The following HERC2 variants were observed in gnomAD, a reference collection of about 807,000 sequenced individuals.
HERC2 encodes HECT and RLD domain containing E3 ubiquitin protein ligase 2, also known as E3 ubiquitin-protein ligase HERC2.
Under a neutral mutation model 537.7 loss-of-function variants are expected in HERC2, and 102 were observed. The ratio of observed to expected loss-of-function variants is 0.19; its 90% CI spans 0.16 to 0.22. The LOEUF (loss-of-function observed/expected upper bound fraction) is 0.22, where lower values mean the gene tolerates loss of function less well. Among genes scored for constraint, HERC2 ranks in the 10% least tolerant of loss-of-function variants. The probability of loss-of-function intolerance (pLI) is 1.00; values close to 1 mark genes in which losing one functional copy is unlikely to be tolerated. For missense variants in HERC2, 4,236 were observed against 6,198.2 expected, an observed-to-expected ratio of 0.68 and a Z score of 10.63; for synonymous variants, 2,224 against 2,466.2, an observed-to-expected ratio of 0.90 and a Z score of 2.91.
intron 2 of HERC2, among the ~76,000 whole-genome samples, chr15:28,317,562 T>C (rs1274694451): frequency 6.6e-6 from 1 of 152,212 alleles, no homozygotes; most frequent in East Asian, 1.9e-4. Flanking sequence ...AGAAAATCAT[T>C]TCCGAAGGTC....
chr15:28,236,464 C>A (rs1567053254), intron 26 of HERC2, among the ~76,000 whole-genome samples: 1 of 151,680 alleles, frequency 6.6e-6, no homozygotes, highest in African/African-American at 2.4e-5. Context: ...CTAATTTTTG[C>A]ATTTTTAGTA....
intron 15 of HERC2, 107 bp downstream of exon 15, chr15:28,262,811 C>T (rs1304442929): frequency 8.4e-7 from 1 of 1,194,512 alleles, no homozygotes; most frequent in Non-Finnish European, 1.2e-6. Flanking sequence ...GAACATAAAA[C>T]CTGCTAACTC....
In HERC2 at chr15:28,198,402, G is replaced by A; in HGVS notation, c.7987C>T (p.His2663Tyr). 1 of 1,612,772 alleles carries A rather than the reference G, an allele frequency of 6.2e-7. No homozygotes were observed. The highest frequency in any genetic ancestry group is 1.3e-5 in the African/African-American group (1 of 74,992). The change falls in exon 50 of 93, where the codon CAT (histidine) becomes TAT (tyrosine). Residue 2663 changes from histidine (H) to tyrosine (Y), a missense_variant. Physicochemically the swap from His to Tyr is moderately conservative, Grantham distance 83. Coordinates refer to ENST00000261609, the MANE Select transcript of HERC2 (RefSeq NM_004667.6). The part of the protein sequence containing the change: ...TPKYKWGSVT[H>Y]QSVGVVKAFS... ...CCTTTCACAACCCCCACACTCTGATGAGTCACAGATCCCCATTTGTATTTT... is the reference window on the plus strand; with the variant it reads ...CCTTTCACAACCCCCACACTCTGATAAGTCACAGATCCCCATTTGTATTTT...
intron 23 of HERC2, 93 bp downstream of exon 23, chr15:28,245,788 C>T: frequency 8.6e-7 from 1 of 1,166,674 alleles, no homozygotes; most frequent in East Asian, 2.3e-5. Context: ...GCAAATCTTC[C>T]TTTGTAAAGT....
chr15:28,145,549 T>A (rs1191454613), intron 71 of HERC2, among the ~76,000 whole-genome samples: 2 of 152,226 alleles, frequency 1.3e-5, no homozygotes, highest in African/African-American at 2.4e-5. Context: ...CATGCAAAGC[T>A]TTACTTAACT....
chr15:28,288,578 T>C (rs2141111306), intron 4 of HERC2, among the ~76,000 whole-genome samples: 1 of 148,194 alleles, frequency 6.7e-6, no homozygotes, highest in East Asian at 2.0e-4. Context: ...GGCTCACACC[T>C]ATAATCCTAT....
intron 2 of HERC2, among the ~76,000 whole-genome samples, chr15:28,318,112 T>C (rs1377843619): frequency 6.6e-6 from 1 of 152,160 alleles, no homozygotes; most frequent in Non-Finnish European, 1.5e-5. Context: ...GTTTTAAGAA[T>C]AAAAAGCTTT....
chr15:28,263,269 G>T, intron 14 of HERC2, 100 bp from the exon 15 acceptor site: 1 of 1,295,212 alleles, frequency 7.7e-7, no homozygotes, highest in South Asian at 1.5e-5. Flanking sequence ...CACTAATCTA[G>T]ACCACTCAGG....
chr15:28,228,597 G>A (rs749601565), intron 34 of HERC2, among the ~76,000 whole-genome samples, 188 bp from the exon 35 acceptor site: 26 of 151,990 alleles, frequency 1.7e-4, no homozygotes, highest in Admixed American at 1.3e-4. Context: ...TGACTAATAA[G>A]CATTGACACC....
chr15:28,318,269 T>C (rs1391657866), intron 2 of HERC2, among the ~76,000 whole-genome samples: 2 of 152,134 alleles, frequency 1.3e-5, no homozygotes, highest in Non-Finnish European at 1.5e-5. Context: ...CTGTAACGTA[T>C]TACTCTTTAC....
intron 2 of HERC2, 67 bp downstream of exon 2, chr15:28,321,295 A>C: frequency 1.5e-6 from 1 of 656,612 alleles, no homozygotes; most frequent in Non-Finnish European, 2.7e-6. Context: ...CCTAAAAAAA[A>C]GCCTTACACG....
At chr15:28,228,179 G>A in intron 35 of HERC2, 39 bp downstream of exon 35, 1 of 1,521,610 alleles carries the variant, frequency 6.6e-7, no homozygotes, top group Non-Finnish European at 9.0e-7. Context: ...GCAAAATCTT[G>A]ACATTTTCCC....
chr15:28,196,144 A>G (rs569912986), intron 52 of HERC2, 71 bp downstream of exon 52: 130 of 1,386,450 alleles, frequency 9.4e-5, no homozygotes, highest in Admixed American at 2.0e-4. Context: ...ACAAATTCCA[A>G]TACACTGTGG....
Position 28,175,576 on chromosome 15 carries a change from C to T in HERC2, c.9767G>A (p.Gly3256Glu). ...RKPQVVEGLR[G>E]KKIVHVAVGA... ...GACAGCCACATGCACGATCTTCTTCCCTCTCAGCCCTTCCACCACCTGTGG... is the reference window on the plus strand; with the variant it reads ...GACAGCCACATGCACGATCTTCTTCTCTCTCAGCCCTTCCACCACCTGTGG... The change falls in exon 64 of 93, where the codon GGG becomes GAG. Residue 3256 changes from glycine (G) to glutamate (E), a missense_variant. Around this residue, in one of 27 missense-constraint regions of HERC2, gnomAD observed 93 missense variants for 265.1 expected, o/e 0.35. Transcript: ENST00000261609. 1 of 1,614,164 alleles carries T rather than the reference C, an allele frequency of 6.2e-7. No homozygotes were observed. Among genetic ancestry groups the T allele is most frequent in the Non-Finnish European group, 8.5e-7 (1 of 1,180,000 alleles).
Position 28,260,772 on chromosome 15 carries a change from A to T in HERC2, c.2316+5T>A. On this transcript the variant is annotated splice_donor_5th_base_variant and intron_variant, in intron 16 of 92. Transcript: ENST00000261609. ...AAATACCAAATCAAGCTCTATATTCAGTACCTGGGCAGGCCCACAGGCAAT... is the reference window on the plus strand; with the variant it reads ...AAATACCAAATCAAGCTCTATATTCTGTACCTGGGCAGGCCCACAGGCAAT... The T allele has an allele frequency of 6.2e-7, 1 of 1,612,500 alleles. No homozygotes were observed. Among genetic ancestry groups the T allele is most frequent in the Non-Finnish European group, 8.5e-7 (1 of 1,178,834 alleles).
chr15:28,185,147 A>C (rs1321436131), intron 56 of HERC2, among the ~76,000 whole-genome samples: 1 of 151,774 alleles, frequency 6.6e-6, no homozygotes, highest in Non-Finnish European at 1.5e-5. Flanking sequence ...TTCTGAAATA[A>C]AACAGGACAG....
chr15:28,236,346 A>G (rs1354627053), intron 26 of HERC2, among the ~76,000 whole-genome samples: 5 of 152,112 alleles, frequency 3.3e-5, no homozygotes, highest in Admixed American at 6.5e-5. Context: ...GCTGGAGTGC[A>G]GTGGCGCGAT....
chr15:28,198,892 A>G, intron 48 of HERC2, 123 bp from the exon 49 acceptor site: 1 of 924,900 alleles, frequency 1.1e-6, no homozygotes. Context: ...TCACGTCTGT[A>G]ATCCTAGCAC....
chr15:28,230,292 G>A, intron 31 of HERC2, 75 bp downstream of exon 31: 1 of 1,460,766 alleles, frequency 6.8e-7, no homozygotes, highest in South Asian at 1.1e-5. Context: ...AGATGCTCAG[G>A]ACAAGACTGT....
Sources: gnomAD v4.1 joint callset for allele counts (sites outside exome capture counted in the v4.1 genomes callset) on GRCh38, gnomAD v4.1.1 for gene constraint, gnomAD v4.1.1 regional missense constraint, MANE v1.5 for transcripts, NCBI Gene and HGNC (gene_info 2026-07-23, HGNC 2026-07-21) for gene names.